XRN2: variants seen among roughly 807,000 people sequenced by gnomAD.
XRN2 encodes the protein DHM1-like protein.
XRN2 carries 44 observed loss-of-function variants against 138.5 expected under a neutral mutation model. The observed-to-expected ratio is 0.32, with a 90% CI of 0.25 to 0.41. The LOEUF is 0.41. XRN2 is among the 10% of genes least tolerant of loss of function. The probability of loss-of-function intolerance (pLI) is 1.00; values close to 1 mark genes in which losing one functional copy is unlikely to be tolerated. For missense variants in XRN2, 937 were observed against 1,169.3 expected (o/e 0.80, Z 2.90); for synonymous variants, 354 against 369.4 (o/e 0.96, Z 0.48).
intron 26 of XRN2, among the ~76,000 whole-genome samples, 197 bp downstream of exon 26, chr20:21,365,901 T>C (rs1470787801): frequency 9.0e-5 from 11 of 122,698 alleles, no homozygotes; most frequent in African/African-American, 3.4e-4. Flanking sequence ...TATAATTATA[T>C]ATATAATATA....
intron 27 of XRN2, among the ~76,000 whole-genome samples, chr20:21,381,499 T>C (rs2038882656): frequency 6.6e-6 from 1 of 152,220 alleles, no homozygotes; most frequent in Admixed American, 6.5e-5. Flanking sequence ...TTTTCTTGGT[T>C]TGTGTTGGAG....
Position 21,334,067 on chromosome 20 carries a change from A to G in XRN2, c.1126-11A>G, listed in dbSNP as rs765270852. 1.2e-6 allele frequency: 2 copies of G among 1,613,938 alleles called. No homozygotes were observed. The highest frequency in any genetic ancestry group is 1.7e-6 in the Non-Finnish European group (2 of 1,179,904). ...AAGAAGATCATTTTACATATATTTTATCACTTACAGGGTTACCTTACAGAA... is the reference window on the plus strand; with the variant it reads ...AAGAAGATCATTTTACATATATTTTGTCACTTACAGGGTTACCTTACAGAA... On this transcript the variant is annotated splice_polypyrimidine_tract_variant and intron_variant, in intron 12 of 29. Coordinates refer to ENST00000377191, the MANE Select transcript of XRN2 (RefSeq NM_012255.5).
At chr20:21,384,641 C>T (rs1394371547) in intron 28 of XRN2, among the ~76,000 whole-genome samples, 3 of 152,192 alleles carry the variant, frequency 2.0e-5, no homozygotes, top group Non-Finnish European at 4.4e-5. Context: ...CAGGCTCCCA[C>T]ACCACCATGC....
chr20:21,308,502 A>G (rs920240306), intron 1 of XRN2, among the ~76,000 whole-genome samples: 2 of 152,166 alleles, frequency 1.3e-5, no homozygotes, highest in Admixed American at 1.3e-4. Flanking sequence ...CAGTTGCTCA[A>G]CTTCCTCACC....
Position 21,303,649 on chromosome 20 carries a change from G to C in XRN2, c.75+176G>C, listed in dbSNP as rs2037770736. The C allele has an allele frequency of 8.2e-6, 11 of 1,345,688 alleles. No individual in the cohort carries two copies. The African/African-American group carries it at 1.7e-4, about 21-fold the overall frequency. 83.4% of individuals were successfully genotyped at this position (1,345,688 alleles called of 1,614,324 possible). A position where few individuals can be genotyped will look rare whatever the true frequency, so the allele number is the denominator to read the frequency against. ...GATGGGACGCGGGCTGTGGGATTCA[G>C]CACCCCGGGGGCGAGGAATTCAGGA... On this transcript the variant is annotated intron_variant, in intron 1 of 29. Coordinates refer to ENST00000377191, the MANE Select transcript of XRN2 (RefSeq NM_012255.5).
intron 29 of XRN2, among the ~76,000 whole-genome samples, chr20:21,387,944 A>C (rs1483905938): frequency 2.3e-5 from 1 of 43,456 alleles, no homozygotes; most frequent in Non-Finnish European, 3.8e-5. Flanking sequence ...ATTGCAAATA[A>C]TTTCTTCTGA....
intron 27 of XRN2, among the ~76,000 whole-genome samples, chr20:21,376,204 A>C (rs1034392361): frequency 2.0e-5 from 3 of 152,060 alleles, no homozygotes; most frequent in Non-Finnish European, 4.4e-5. Context: ...CCAAGCACAG[A>C]TTTAACCAGG....
chr20:21,353,617 C>T (rs770985561), intron 20 of XRN2, among the ~76,000 whole-genome samples: 85 of 151,558 alleles, frequency 5.6e-4, no homozygotes, highest in Non-Finnish European at 1.1e-3. Flanking sequence ...ACAAGGAGAC[C>T]TCATCTCTAC....
chr20:21,311,270 C>A (rs1344515951), intron 1 of XRN2, among the ~76,000 whole-genome samples: 1 of 152,148 alleles, frequency 6.6e-6, no homozygotes, highest in Admixed American at 6.5e-5. Flanking sequence ...TTGTCCCCCT[C>A]CCCACTTTCT....
At chr20:21,385,921 C>T (rs2038932676) in intron 28 of XRN2, among the ~76,000 whole-genome samples, 1 of 152,176 alleles carries the variant, frequency 6.6e-6, no homozygotes, top group South Asian at 2.1e-4. Context: ...TTCTGATGTT[C>T]AAGTATACTG....
In XRN2 at chr20:21,356,095, T is replaced by C. The variant is rs1184258558; in HGVS notation, c.2036T>C (p.Leu679Pro). The change falls in exon 22 of 30, where the codon CTT (leucine) becomes CCT (proline). Residue 679 changes from leucine (L) to proline (P), a missense_variant. Leu to Pro is a moderately conservative substitution (Grantham distance 98). Coordinates refer to ENST00000377191, the MANE Select transcript of XRN2 (RefSeq NM_012255.5). ...TTCTCCCTAGCCAGAAGAAACAGCC[T>C]TGGAGGTGATGTCTTATTTGTGGGG... ...LTPEETRRNS[L>P]GGDVLFVGKH... 8.1e-6 allele frequency: 13 copies of C among 1,612,302 alleles called. No homozygotes were observed. The highest frequency in any genetic ancestry group is 1.1e-5 in the Non-Finnish European group (13 of 1,179,060).
chr20:21,325,687 G>C (rs867126138), intron 1 of XRN2, among the ~76,000 whole-genome samples: 2 of 152,204 alleles, frequency 1.3e-5, no homozygotes, highest in African/African-American at 2.4e-5. Context: ...GGCAGGATAG[G>C]AGACTAGGAA....
chr20:21,332,785 T>C (rs1379318509), intron 9 of XRN2, among the ~76,000 whole-genome samples: 2 of 151,666 alleles, frequency 1.3e-5, no homozygotes, highest in Non-Finnish European at 2.9e-5. Flanking sequence ...TTTTCTGATA[T>C]TGCCTATATC....
At position 21,346,642 on chromosome 20, in the gene XRN2, C is replaced by T. The variant is rs554731076; in HGVS notation, c.1665+92C>T. The T allele has an allele frequency of 8.9e-4, 1,323 of 1,492,212 alleles. 3 individuals are homozygous for T. The highest frequency in any genetic ancestry group is 1.1e-3 in the Non-Finnish European group (1,175 of 1,102,314). The allele number at this position is 1,492,212 out of a possible 1,614,324, so 92.4% of individuals were successfully genotyped here. ...TTTTGTTTGTTTTTTGTTTTTGAGACGGAGTCTTGCCCTGTCACCTGGGCG... is the reference window on the plus strand; with the variant it reads ...TTTTGTTTGTTTTTTGTTTTTGAGATGGAGTCTTGCCCTGTCACCTGGGCG... On this transcript the variant is annotated intron_variant, in intron 17 of 29. Coordinates refer to ENST00000377191, the MANE Select transcript of XRN2 (RefSeq NM_012255.5).
intron 24 of XRN2, among the ~76,000 whole-genome samples, chr20:21,361,052 A>G (rs941308461): frequency 8.5e-5 from 13 of 152,234 alleles, no homozygotes; most frequent in African/African-American, 3.1e-4. Context: ...TTTCTGAATT[A>G]TGTTAACACT....
Position 21,382,007 on chromosome 20 carries a change from G to A in XRN2, c.2598G>A (p.Gln866=), listed in dbSNP as rs746427973. The A allele has an allele frequency of 1.2e-6, 2 of 1,608,568 alleles. No individual in the cohort carries two copies. The highest frequency in any genetic ancestry group is 1.7e-6 in the Non-Finnish European group (2 of 1,176,756). The part of the protein sequence containing the change: ...IPKLMSNMRP[Q]DSWRGPPPLF... ...TTTCTTTTTCAGATATGAGGCCCCA[G>A]GATTCCTGGCGAGGTCCTCCTCCCC... The change falls in exon 28 of 30, where the codon CAG becomes CAA. Residue 866 remains glutamine, a synonymous_variant. Coordinates refer to ENST00000377191, the MANE Select transcript of XRN2 (RefSeq NM_012255.5).
chr20:21,354,775 A>G lies in XRN2; in HGVS notation c.1937-14A>G, dbSNP rs750309027. 35 of 1,613,240 alleles carry G rather than the reference A, an allele frequency of 2.2e-5. 1 individual carries two copies. The South Asian group carries it at 3.9e-4, about 18-fold the overall frequency. On this transcript the variant is annotated splice_polypyrimidine_tract_variant and intron_variant, in intron 20 of 29. Coordinates refer to ENST00000377191, the MANE Select transcript of XRN2 (RefSeq NM_012255.5). Reference sequence around the variant, plus strand: ...CTGGTAGCAGGGGTGGTTCATTTGCACTTGTTTTTTCAGGTGTTGCTCTCT... The same window carrying G: ...CTGGTAGCAGGGGTGGTTCATTTGCGCTTGTTTTTTCAGGTGTTGCTCTCT...
rs751768862 is a variant in XRN2 at position 21,389,331 on chromosome 20, G to A, written c.2846G>A (p.Trp949Ter). ...PLPPPSGRYN[W>*]N The stretch of plus-strand genomic sequence containing the variant: ...CCACCACCCTCAGGAAGATACAATT[G>A]GAATTAAGCTTTTGTAAAGCTTTCC... The change falls in exon 30 of 30, where the codon TGG (tryptophan) becomes TAG (stop). Residue 949 changes from tryptophan (W) to a stop codon, truncating the protein, a stop_gained. Transcript: ENST00000377191. LOFTEE classifies it high-confidence loss of function. The A allele has an allele frequency of 4.3e-6, 7 of 1,611,646 alleles. No individual in the cohort carries two copies. In the East Asian group the frequency reaches 8.9e-5, roughly 21 times the overall value.
At chr20:21,365,259 A>G (rs1404362540) in intron 24 of XRN2, among the ~76,000 whole-genome samples, 162 bp from the exon 25 acceptor site, 1 of 152,314 alleles carries the variant, frequency 6.6e-6, no homozygotes, top group East Asian at 1.9e-4. Context: ...TGTACCAGGA[A>G]TTAGAGACAG....
Sources: allele counts gnomAD v4.1 joint callset (sites outside exome capture counted in the v4.1 genomes callset), GRCh38; gene constraint gnomAD v4.1.1; transcripts MANE v1.5; gene names NCBI Gene and HGNC (gene_info 2026-07-23, HGNC 2026-07-21).